The following ZCCHC14 variants were observed in gnomAD, a reference collection of about 807,000 sequenced individuals.
ZCCHC14 encodes zinc finger CCHC-type containing 14.
A neutral mutation model predicts 85.0 loss-of-function variants in ZCCHC14; 16 were observed. The ratio of observed to expected loss-of-function variants is 0.19; its 90% CI spans 0.13 to 0.29. The LOEUF is 0.29. Among genes scored for constraint, ZCCHC14 ranks in the 10% least tolerant of loss-of-function variants. The probability of loss-of-function intolerance (pLI) is 1.00; values close to 1 mark genes in which losing one functional copy is unlikely to be tolerated. For synonymous variants in ZCCHC14, 775 were observed against 630.7 expected (o/e 1.23, Z -3.43); for missense variants, 1,303 against 1,443.5 (o/e 0.90, Z 1.58).
intron 1 of ZCCHC14, among the ~76,000 whole-genome samples, chr16:87,469,794 G>T (rs1414379465): frequency 6.6e-6 from 1 of 152,154 alleles, no homozygotes; most frequent in African/African-American, 2.4e-5. Flanking sequence ...TACAGCATCT[G>T]CTGCACCCCT....
intron 1 of ZCCHC14, among the ~76,000 whole-genome samples, chr16:87,487,188 C>T (rs551626710): frequency 6.6e-6 from 1 of 152,334 alleles, no homozygotes; most frequent in South Asian, 2.1e-4. Context: ...CAGGCACTCA[C>T]AATGCAAGCC....
At chr16:87,436,172 GACTC>G (rs1164446476) in intron 2 of ZCCHC14, among the ~76,000 whole-genome samples, 22 of 152,374 alleles carry the variant, frequency 1.4e-4, no homozygotes, top group African/African-American at 5.3e-4. Flanking sequence ...AGTAGGAAGT[GACTC>G]AGTCATATTT....
chr16:87,412,171 G>A lies in ZCCHC14; in HGVS notation c.2550C>T (p.Pro850=), dbSNP rs1371288730. ...NSNTASPSSH[P]STSFANMATL... ...TGGCCATGTTGGCAAAGGACGTGGA[G>A]GGGTGGCTGCTGGGAGAGGCAGTGT... The change falls in exon 12 of 13, where the codon CCC becomes CCT. Residue 850 remains proline, a synonymous_variant. Coordinates refer to ENST00000671377, the MANE Select transcript of ZCCHC14 (RefSeq NM_015144.3). 2 of 1,614,086 alleles carry A rather than the reference G, an allele frequency of 1.2e-6. No homozygotes were observed. Among genetic ancestry groups the A allele is most frequent in the Non-Finnish European group, 1.7e-6 (2 of 1,180,046 alleles).
chr16:87,458,443 T>C lies in ZCCHC14; in HGVS notation c.694+1565A>G, dbSNP rs1393094447. Among the ~76,000 whole-genome samples, 4 of 152,202 alleles carry C rather than the reference T, an allele frequency of 2.6e-5. No individual in the cohort carries two copies. In the East Asian group the frequency reaches 7.7e-4, roughly 29 times the overall value. The stretch of plus-strand genomic sequence containing the variant: ...AGAGCAGTGGATAAGACAAAGACTG[T>C]TGCGACCTCAGGGGGTTGCTACGAG... On this transcript the variant is annotated intron_variant, in intron 2 of 12. Coordinates refer to ENST00000671377, the MANE Select transcript of ZCCHC14 (RefSeq NM_015144.3).
At chr16:87,415,605 G>A (rs546795809) in intron 8 of ZCCHC14, among the ~76,000 whole-genome samples, 1 of 152,290 alleles carries the variant, frequency 6.6e-6, no homozygotes, top group African/African-American at 2.4e-5. Flanking sequence ...CTCCTCCAGG[G>A]CACCTTCTGT....
At chr16:87,483,966 A>G (rs939950614) in intron 1 of ZCCHC14, among the ~76,000 whole-genome samples, 1 of 152,234 alleles carries the variant, frequency 6.6e-6, no homozygotes, top group African/African-American at 2.4e-5. Context: ...CTGATTAAAT[A>G]ACACATTTGT....
chr16:87,420,544 G>T lies in ZCCHC14; in HGVS notation c.950+63C>A. The T allele has an allele frequency of 7.2e-7, 1 of 1,383,386 alleles. No homozygotes were observed. The allele number at this position is 1,383,386 out of a possible 1,614,324, so 85.7% of individuals were successfully genotyped here. A position where few individuals can be genotyped will look rare whatever the true frequency, so the allele number is the denominator to read the frequency against. ...GAGCTCCTTGGAGGACCACAGCATTGACCACAGGACCAGCCTGTCCTTGCC... is the reference window on the plus strand; with the variant it reads ...GAGCTCCTTGGAGGACCACAGCATTTACCACAGGACCAGCCTGTCCTTGCC... On this transcript the variant is annotated intron_variant, in intron 5 of 12. Transcript: ENST00000671377. This position sits in a 1 kb window ranked among gnomAD's most constrained non-coding sequence, Gnocchi z 5.0.
intron 1 of ZCCHC14, among the ~76,000 whole-genome samples, chr16:87,464,012 T>A (rs577009636): frequency 6.6e-6 from 1 of 152,300 alleles, no homozygotes; most frequent in South Asian, 2.1e-4. Flanking sequence ...ACAACCAGCA[T>A]CAGCAGTTCC....
At chr16:87,466,957 T>G (rs1368685174) in intron 1 of ZCCHC14, among the ~76,000 whole-genome samples, 1 of 151,772 alleles carries the variant, frequency 6.6e-6, no homozygotes, top group Non-Finnish European at 1.5e-5. Flanking sequence ...TGAACAGTAT[T>G]CACATCAGCA....
rs2150720685 is a variant in ZCCHC14 at position 87,412,477 on chromosome 16, T to G, written c.2244A>C (p.Gln748His). Reference protein sequence around the residue: ...TLDRVLKTAQQPALVVETSTA... With the variant: ...TLDRVLKTAQHPALVVETSTA... ...TGCTGGTCTCCACGACCAGGGCCGGTTGCTGTGCTGTCTTCAGCACCCTGT... is the reference window on the plus strand; with the variant it reads ...TGCTGGTCTCCACGACCAGGGCCGGGTGCTGTGCTGTCTTCAGCACCCTGT... The change falls in exon 12 of 13, where the codon CAA becomes CAC. Residue 748 changes from glutamine (Q) to histidine (H), a missense_variant. Gln to His is a conservative substitution (Grantham distance 24). This residue lies in a region of ZCCHC14 where 797 missense variants were observed against 730.8 expected (regional missense o/e 1.09). Transcript: ENST00000671377. The G allele has an allele frequency of 1.2e-6, 2 of 1,613,924 alleles. No individual in the cohort carries two copies. The highest frequency in any genetic ancestry group is 1.1e-5 in the South Asian group (1 of 91,078).
At chr16:87,473,812 G>A (rs1911882770) in intron 1 of ZCCHC14, 1 of 152,042 alleles carries the variant, frequency 6.6e-6, no homozygotes, top group Admixed American at 6.6e-5. Context: ...AGGACTTGAA[G>A]AGGCCAGGAG....
intron 8 of ZCCHC14, among the ~76,000 whole-genome samples, chr16:87,416,931 G>A (rs576640594): frequency 2.0e-5 from 3 of 152,338 alleles, no homozygotes; most frequent in African/African-American, 7.2e-5. Context: ...AGCAGAGGGA[G>A]TCCAGAGCTC....
At chr16:87,417,819 C>T (rs78375573) in intron 7 of ZCCHC14, 77 bp from the exon 8 acceptor site, 31,506 of 1,453,738 alleles carry the variant, frequency 0.022, 392 homozygotes, top group Non-Finnish European at 0.025. Context: ...ACCTCACTTC[C>T]AGGCCTTTCT....
chr16:87,467,751 A>T, intron 1 of ZCCHC14: 1 of 549,330 alleles, frequency 1.8e-6, no homozygotes, highest in East Asian at 3.3e-5. Flanking sequence ...TCCCGGGTTC[A>T]CACCATTCTC....
rs532996631 is a variant in ZCCHC14, at chr16:87,420,132, A to C, written c.951-255T>G. ...GACAGCAGTCATGCCCTGTGACATG[A>C]GATCAGTGCCACCCACCAGCCAGAA... is the stretch of plus-strand genomic sequence containing the variant. On this transcript the variant is annotated intron_variant, in intron 5 of 12. Coordinates refer to ENST00000671377, the MANE Select transcript of ZCCHC14 (RefSeq NM_015144.3). The surrounding 1 kb of genome is among the most constrained non-coding windows in gnomAD (Gnocchi z 5.0). Among the ~76,000 whole-genome samples the C allele has an allele frequency of 7.9e-5, 12 of 152,266 alleles. No individual in the cohort carries two copies. The highest frequency in any genetic ancestry group is 1.8e-4 in the Non-Finnish European group (12 of 68,026).
chr16:87,492,468 C>T lies in ZCCHC14; in HGVS notation c.-230G>A, dbSNP rs1912815337. ...CCGGCGGGCGGGCGCGCGCGGGGCG[C>T]CGGGGGGGCCCGGGGCGGCCGGGGC... On this transcript the variant is annotated 5_prime_UTR_variant, in exon 1 of 13. Coordinates refer to ENST00000671377, the MANE Select transcript of ZCCHC14 (RefSeq NM_015144.3). The surrounding 1 kb of genome is among the most constrained non-coding windows in gnomAD (Gnocchi z 6.7). 6.9e-6 allele frequency: 1 copy of T among 144,452 alleles called. No individual in the cohort carries two copies. Among genetic ancestry groups the T allele is most frequent in the Middle Eastern group, 3.8e-3 (1 of 266 alleles). The allele number at this position is 144,452 out of a possible 1,614,324, so 8.9% of individuals were successfully genotyped here.
chr16:87,445,556 C>A (rs1910395829), intron 2 of ZCCHC14, among the ~76,000 whole-genome samples: 1 of 152,158 alleles, frequency 6.6e-6, no homozygotes, highest in Admixed American at 6.5e-5. Context: ...TCTTCCAAAT[C>A]TTCAGGAATT....
intron 1 of ZCCHC14, among the ~76,000 whole-genome samples, chr16:87,469,339 G>C (rs1025951677): frequency 1.3e-5 from 2 of 152,210 alleles, no homozygotes; most frequent in East Asian, 1.9e-4. Flanking sequence ...AAGAAAAACT[G>C]AATGTCAGTT....
At chr16:87,486,129 G>A (rs1366274625) in intron 1 of ZCCHC14, among the ~76,000 whole-genome samples, 1 of 152,026 alleles carries the variant, frequency 6.6e-6, no homozygotes, top group Non-Finnish European at 1.5e-5. Context: ...GAGGGCAAAG[G>A]ACAGTAATTA....
Sources: gnomAD v4.1 joint callset for allele counts (sites outside exome capture counted in the v4.1 genomes callset) on GRCh38, gnomAD v4.1.1 for gene constraint, gnomAD v4.1.1 regional missense constraint, Gnocchi (gnomAD v3.1) non-coding constraint, MANE v1.5 for transcripts, NCBI Gene and HGNC (gene_info 2026-07-23, HGNC 2026-07-21) for gene names.